Variants in CNTNAP2 observed in about 807,000 individuals in gnomAD.
The protein encoded by CNTNAP2 is contactin associated protein 2.
Under a neutral mutation model 155.2 loss-of-function variants are expected in CNTNAP2, and 98 were observed. That is an observed-to-expected ratio of 0.63 (90% CI 0.54 to 0.75). The LOEUF is 0.75. Ranked by LOEUF, CNTNAP2 falls within the 30% of genes least tolerant of loss-of-function variation. The pLI, the probability that CNTNAP2 is intolerant of heterozygous loss-of-function variation, is 0.00. For synonymous variants in CNTNAP2, 651 were observed against 631.2 expected (o/e 1.03, Z -0.47); for missense variants, 1,727 against 1,688.1 (o/e 1.02, Z -0.40).
chr7:148,301,061 C>T (rs1397967341), intron 21 of CNTNAP2, among the ~76,000 whole-genome samples: 3 of 151,760 alleles, frequency 2.0e-5, no homozygotes, highest in Non-Finnish European at 4.4e-5. Context: ...TTTGGGAGGC[C>T]GAGGTGGGTG....
chr7:148,002,965 A>G (rs1801922920), intron 15 of CNTNAP2, among the ~76,000 whole-genome samples: 1 of 152,224 alleles, frequency 6.6e-6, no homozygotes. Flanking sequence ...TTGTGTTCAG[A>G]TATGTGACCT....
intron 10 of CNTNAP2, among the ~76,000 whole-genome samples, chr7:147,472,204 C>CTTTTTTTTTTTTTTTTTTTT (rs542047274): frequency 9.9e-5 from 8 of 81,072 alleles, no homozygotes; most frequent in African/African-American, 3.6e-4. Flanking sequence ...TCTTTTTTTC[C>CTTTTTTTTTTTTTTTTTTTT]TTTTTTTTTT....
chr7:147,389,757 A>G (rs1796677756), intron 9 of CNTNAP2, among the ~76,000 whole-genome samples: 1 of 152,236 alleles, frequency 6.6e-6, no homozygotes. Flanking sequence ...GTGTTTTAAC[A>G]CATTGTCAGA....
chr7:148,039,294 C>T (rs148327974), intron 15 of CNTNAP2, among the ~76,000 whole-genome samples: 8 of 152,236 alleles, frequency 5.3e-5, no homozygotes, highest in South Asian at 2.1e-4. Flanking sequence ...AGAGTGTCAG[C>T]GCTCTGGGAG....
intron 3 of CNTNAP2, among the ~76,000 whole-genome samples, chr7:147,022,608 G>T (rs5009884): frequency 0.45 from 61,970 of 138,772 alleles, 13,140 homozygotes; most frequent in South Asian, 0.56. Context: ...CAAACACATG[G>T]TTTTTTTTTT....
chr7:148,392,776 T>G (rs1438571457), intron 22 of CNTNAP2, among the ~76,000 whole-genome samples: 1 of 152,156 alleles, frequency 6.6e-6, no homozygotes, highest in East Asian at 1.9e-4. Context: ...GTTGGCAGAG[T>G]GGCTGAAAAC....
intron 3 of CNTNAP2, among the ~76,000 whole-genome samples, chr7:146,995,450 C>T (rs1383113701): frequency 1.3e-5 from 2 of 152,058 alleles, no homozygotes; most frequent in Non-Finnish European, 2.9e-5. Flanking sequence ...ATATTCCCAT[C>T]AACAGTTGAT....
chr7:147,817,037 A>G (rs1798276093), intron 13 of CNTNAP2, among the ~76,000 whole-genome samples: 1 of 152,194 alleles, frequency 6.6e-6, no homozygotes, highest in Non-Finnish European at 1.5e-5. Context: ...TCCAGCCACC[A>G]GGAAATAGAG....
At chr7:147,696,128 CT>C (rs1796157834) in intron 13 of CNTNAP2, among the ~76,000 whole-genome samples, 1 of 152,160 alleles carries the variant, frequency 6.6e-6, no homozygotes, top group African/African-American at 2.4e-5. Flanking sequence ...TTTATTCAGT[CT>C]GACAATCTCT....
At chr7:147,174,015 A>G (rs1329340806) in intron 8 of CNTNAP2, among the ~76,000 whole-genome samples, 1 of 152,150 alleles carries the variant, frequency 6.6e-6, no homozygotes, top group Non-Finnish European at 1.5e-5. Context: ...GATTATGCCT[A>G]AAACAGAGGC....
At chr7:147,807,322 C>CAAAAAA (rs768465391) in intron 13 of CNTNAP2, among the ~76,000 whole-genome samples, 36 of 64,748 alleles carry the variant, frequency 5.6e-4, no homozygotes, top group Non-Finnish European at 6.9e-4. Flanking sequence ...GTCCTTGACT[C>CAAAAAA]AAAAAAAAAA....
rs1319583579 is a variant in CNTNAP2, at chr7:147,923,532, G to C, written c.2255+19811G>C. On this transcript the variant is annotated intron_variant, in intron 14 of 23. Coordinates refer to ENST00000361727, the MANE Select transcript of CNTNAP2 (RefSeq NM_014141.6). ...TAAATTTATTTTTAAAAATTTTTTA[G>C]AGGTGGCATCTCGGTCTGTCACCCA... Among the ~76,000 whole-genome samples the C allele has an allele frequency of 1.3e-5, 2 of 152,000 alleles. 1 individual carries two copies. Among genetic ancestry groups the C allele is most frequent in the South Asian group, 4.1e-4 (2 of 4,822 alleles).
At chr7:146,881,343 T>C (rs1455232628) in intron 3 of CNTNAP2, among the ~76,000 whole-genome samples, 1 of 152,184 alleles carries the variant, frequency 6.6e-6, no homozygotes, top group Non-Finnish European at 1.5e-5. Flanking sequence ...TTCTTAGAGC[T>C]TTAAAATTGT....
chr7:148,364,706 G>A (rs1798701935), intron 21 of CNTNAP2, among the ~76,000 whole-genome samples: 1 of 152,218 alleles, frequency 6.6e-6, no homozygotes, highest in Admixed American at 6.5e-5. Flanking sequence ...GCACCAATCA[G>A]TGCCCTGACA....
Position 147,300,239 on chromosome 7 carries a change from C to T in CNTNAP2, c.1447C>T (p.Arg483Ter), listed in dbSNP as rs752550849. ...CGATGGAGATGAAGCATCAGCAGTTCGAACTAATAGTCCCCTTCAAGTTAA... is the reference window on the plus strand; with the variant it reads ...CGATGGAGATGAAGCATCAGCAGTTTGAACTAATAGTCCCCTTCAAGTTAA... ...TIDGDEASAV[R>*]TNSPLQVKTG... Residue 483 changes from arginine (R) to a stop codon, truncating the protein, a stop_gained, in exon 9 of 24, where the codon CGA becomes TGA. Coordinates refer to ENST00000361727, the MANE Select transcript of CNTNAP2 (RefSeq NM_014141.6). LOFTEE classifies it high-confidence loss of function. 1.1e-5 allele frequency: 18 copies of T among 1,613,770 alleles called. No individual in the cohort carries two copies. Among genetic ancestry groups the T allele is most frequent in the Admixed American group, 5.0e-5 (3 of 59,976 alleles).
At chr7:148,291,600 A>T (rs984790733) in intron 21 of CNTNAP2, among the ~76,000 whole-genome samples, 1 of 152,050 alleles carries the variant, frequency 6.6e-6, no homozygotes, top group Non-Finnish European at 1.5e-5. Context: ...TTCCCAGCCC[A>T]CTGACTCAAA....
intron 3 of CNTNAP2, among the ~76,000 whole-genome samples, chr7:147,033,160 G>GTATATATATATATATATATA (rs3081742): frequency 4.4e-5 from 4 of 90,840 alleles, no homozygotes; most frequent in Non-Finnish European, 8.7e-5. Flanking sequence ...ATATATATAT[G>GTATATATATATATATATATA]TATATATATA....
rs774070739 is a variant in CNTNAP2, at chr7:147,121,175, GA to G, written c.939+13del. The G allele has an allele frequency of 3.1e-6, 5 of 1,613,470 alleles. No homozygotes were observed. In the South Asian group the frequency reaches 5.5e-5, roughly 18 times the overall value. On this transcript the variant is annotated intron_variant, in intron 6 of 23. Coordinates refer to ENST00000361727, the MANE Select transcript of CNTNAP2 (RefSeq NM_014141.6). ...ACTTGGACTATGAGGTACATGTGATGACGTAGAAATTGTAATAAAATGTCAA... is the reference window on the plus strand; with the variant it reads ...ACTTGGACTATGAGGTACATGTGATGCGTAGAAATTGTAATAAAATGTCAA...
chr7:147,653,221 C>A (rs1045095704), intron 13 of CNTNAP2, among the ~76,000 whole-genome samples: 1 of 152,132 alleles, frequency 6.6e-6, no homozygotes, highest in East Asian at 1.9e-4. Flanking sequence ...GATATGGAAA[C>A]GAAATGTTGA....
Sources: allele counts gnomAD v4.1 joint callset (sites outside exome capture counted in the v4.1 genomes callset), GRCh38; gene constraint gnomAD v4.1.1; transcripts MANE v1.5; gene names NCBI Gene and HGNC (gene_info 2026-07-23, HGNC 2026-07-21).